Variants in ANKAR observed in about 807,000 individuals in gnomAD.
ANKAR encodes ankyrin and armadillo repeat-containing protein.
Under a neutral mutation model 146.2 loss-of-function variants are expected in ANKAR, and 136 were observed. That is an observed-to-expected ratio of 0.93 (90% CI 0.81 to 1.07). The LOEUF is 1.07. Ranked by LOEUF, ANKAR falls within the 50% of genes least tolerant of loss-of-function variation. The pLI, the probability that ANKAR is intolerant of heterozygous loss-of-function variation, is 0.00. For missense variants in ANKAR, 1,567 were observed against 1,679.9 expected, an observed-to-expected ratio of 0.93 and a Z score of 1.18; for synonymous variants, 500 against 575.8, an observed-to-expected ratio of 0.87 and a Z score of 1.88.
At chr2:189,757,372 T>C (rs550610589) in intron 18 of ANKAR, among the ~76,000 whole-genome samples, 3 of 152,360 alleles carry the variant, frequency 2.0e-5, no homozygotes, top group African/African-American at 7.2e-5. Flanking sequence ...TCCTCTATTA[T>C]TGCATTTTCC....
intron 12 of ANKAR, among the ~76,000 whole-genome samples, chr2:189,723,829 C>T (rs897012775): frequency 1.3e-5 from 2 of 152,120 alleles, no homozygotes; most frequent in African/African-American, 2.4e-5. Flanking sequence ...CTATTCTTCC[C>T]AGTTCTTTAT....
At position 189,695,006 on chromosome 2, in the gene ANKAR, GA is replaced by G; in HGVS notation, c.1336del (p.Thr446LeufsTer15). The G allele has an allele frequency of 6.5e-7, 1 of 1,548,588 alleles. No homozygotes were observed. Among genetic ancestry groups the G allele is most frequent in the Non-Finnish European group, 8.7e-7 (1 of 1,147,616 alleles). On this transcript the variant is annotated frameshift_variant, in exon 6 of 23. Transcript: ENST00000684021. LOFTEE classifies it high-confidence loss of function. ...KSYYVIYFEL[E>X]TFYQQLYKTQ... ...CTACTATGTGATCTATTTTGAACTAGAAACTTTCTATCAGCAACTATATAAG... is the reference window on the plus strand; with the variant it reads ...CTACTATGTGATCTATTTTGAACTAGAACTTTCTATCAGCAACTATATAAG...
At chr2:189,741,197 C>T (rs2105893873) in intron 19 of ANKAR, 145 bp from the exon 20 acceptor site, 1 of 462,626 alleles carries the variant, frequency 2.2e-6, no homozygotes, top group East Asian at 3.6e-5. Flanking sequence ...TCTATATTTA[C>T]ATATGCATGC....
intron 10 of ANKAR, among the ~76,000 whole-genome samples, chr2:189,716,903 C>T (rs2040539626): frequency 6.6e-6 from 1 of 152,100 alleles, no homozygotes. Context: ...AAAGCTGAAA[C>T]TGGATCCCTT....
chr2:189,695,256 A>G (rs1388063342), intron 6 of ANKAR, 95 bp downstream of exon 6: 3 of 1,047,136 alleles, frequency 2.9e-6, no homozygotes, highest in African/African-American at 1.6e-5. Context: ...GGATAATAAT[A>G]GGTTAAAGTC....
chr2:189,696,494 G>A (rs543102281), intron 7 of ANKAR, 125 bp downstream of exon 7: 166 of 847,296 alleles, frequency 2.0e-4, no homozygotes, highest in Non-Finnish European at 2.8e-4. Context: ...TGAGGTTTTT[G>A]TTTCATTTAT....
intron 18 of ANKAR, among the ~76,000 whole-genome samples, chr2:189,758,455 T>C (rs2046428997): frequency 6.6e-6 from 1 of 151,996 alleles, no homozygotes; most frequent in Non-Finnish European, 1.5e-5. Context: ...AGACGCCTAC[T>C]CCCAATTTGC....
At position 189,743,263 on chromosome 2, in the gene ANKAR, T is replaced by C. The variant is rs2043628783; in HGVS notation, c.3811-12T>C. The C allele has an allele frequency of 6.2e-6, 10 of 1,608,764 alleles. No homozygotes were observed. Among genetic ancestry groups the C allele is most frequent in the Non-Finnish European group, 7.6e-6 (9 of 1,176,830 alleles). ...AGCCCACTGGTTAAGAAAGAATTGTTTCTTCATTTAGGTTCGTGCAGCTTG... is the reference window on the plus strand; with the variant it reads ...AGCCCACTGGTTAAGAAAGAATTGTCTCTTCATTTAGGTTCGTGCAGCTTG... On this transcript the variant is annotated splice_polypyrimidine_tract_variant and intron_variant, in intron 20 of 22. Transcript: ENST00000684021.
intron 10 of ANKAR, among the ~76,000 whole-genome samples, chr2:189,711,447 C>T (rs1350793413): frequency 2.6e-5 from 4 of 152,168 alleles, no homozygotes; most frequent in Non-Finnish European, 5.9e-5. Context: ...TACTTTTATA[C>T]TTACTTTCAT....
Position 189,728,057 on chromosome 2 carries a change from T to TG in ANKAR, c.2839dup (p.Glu947GlyfsTer6). On this transcript the variant is annotated frameshift_variant, in exon 13 of 23. Transcript: ENST00000684021. LOFTEE classifies it high-confidence loss of function. The stretch of plus-strand genomic sequence containing the variant: ...AACGCTCTTATACAGAAAGCATTTC[T>TG]GGAAAAATCGTTAACTAAATATCTT... 6.2e-7 allele frequency: 1 copy of TG among 1,613,078 alleles called. No individual in the cohort carries two copies. Among genetic ancestry groups the TG allele is most frequent in the Non-Finnish European group, 8.5e-7 (1 of 1,179,502 alleles).
chr2:189,740,990 G>A (rs1030393940), intron 19 of ANKAR, among the ~76,000 whole-genome samples: 2 of 152,062 alleles, frequency 1.3e-5, no homozygotes, highest in South Asian at 2.1e-4. Context: ...CACCACGCCC[G>A]GCCTAAATTT....
chr2:189,736,218 T>C (rs1262208046), intron 17 of ANKAR, among the ~76,000 whole-genome samples: 1 of 152,168 alleles, frequency 6.6e-6, no homozygotes, highest in African/African-American at 2.4e-5. Flanking sequence ...TAATCTAAAC[T>C]ATTTACTGTA....
intron 18 of ANKAR, among the ~76,000 whole-genome samples, chr2:189,759,763 A>AT (rs561866797): frequency 0.015 from 2,077 of 141,266 alleles, 25 homozygotes; most frequent in Non-Finnish European, 0.023. Flanking sequence ...TTATTTATTT[A>AT]TTTTTTTAGT....
rs775556408 is a variant in ANKAR, at chr2:189,728,668, G to A, written c.3040G>A (p.Ala1014Thr). 1.4e-5 allele frequency: 22 copies of A among 1,613,450 alleles called. No homozygotes were observed. In the South Asian group the frequency reaches 2.2e-4, roughly 16 times the overall value. ...SAKMQYVGGE[A>T]VIALSKDSRM... Reference sequence around the variant, plus strand: ...TTGCTTTTCTTTATCAGGAGGTGAAGCTGTCATAGCTCTAAGTAAGGACAG... The same window carrying A: ...TTGCTTTTCTTTATCAGGAGGTGAAACTGTCATAGCTCTAAGTAAGGACAG... The change falls in exon 15 of 23, where the codon GCT (alanine) becomes ACT (threonine). Residue 1014 changes from alanine (A) to threonine (T), a missense_variant. Ala to Thr is a moderately conservative substitution (Grantham distance 58). Coordinates refer to ENST00000684021, the MANE Select transcript of ANKAR (RefSeq NM_001378068.1).
downstream of ANKAR, chr2:189,763,048 T>TC (rs2047352038): frequency 1.2e-5 from 11 of 952,224 alleles, no homozygotes; most frequent in Non-Finnish European, 1.4e-5. Context: ...TAAAAAGAAA[T>TC]TTTTTTTTTG....
intron 2 of ANKAR, among the ~76,000 whole-genome samples, chr2:189,688,193 TC>T (rs2035882886): frequency 6.6e-6 from 1 of 152,186 alleles, no homozygotes. Context: ...TATCCAGTTT[TC>T]CCAGTGCCAT....
chr2:189,696,943 C>T (rs1490410341), intron 7 of ANKAR, among the ~76,000 whole-genome samples: 1 of 152,012 alleles, frequency 6.6e-6, no homozygotes, highest in Non-Finnish European at 1.5e-5. Flanking sequence ...TTAATAGCCC[C>T]TTTAAGGTTA....
chr2:189,712,130 G>A (rs575259882), intron 10 of ANKAR, among the ~76,000 whole-genome samples: 77 of 147,576 alleles, frequency 5.2e-4, no homozygotes, highest in African/African-American at 1.9e-3. Flanking sequence ...GCTCACCAAG[G>A]CCTGCTGTCT....
rs559152981 is a variant in ANKAR, at chr2:189,717,744, A to T, written c.2225-1828A>T. Among the ~76,000 whole-genome samples the T allele has an allele frequency of 5.9e-5, 9 of 152,362 alleles. No homozygotes were observed. In the South Asian group the frequency reaches 1.9e-3, roughly 32 times the overall value. ...AAATGTGGCACAGATACACCATGGA[A>T]TACTATGCAGCCATAAAAAAGGATG... is the stretch of plus-strand genomic sequence containing the variant. On this transcript the variant is annotated intron_variant, in intron 10 of 22. Coordinates refer to ENST00000684021, the MANE Select transcript of ANKAR (RefSeq NM_001378068.1).
Sources: allele counts gnomAD v4.1 joint callset (sites outside exome capture counted in the v4.1 genomes callset), GRCh38; gene constraint gnomAD v4.1.1; transcripts MANE v1.5; gene names NCBI Gene and HGNC (gene_info 2026-07-23, HGNC 2026-07-21).